CSMD1: variants seen among roughly 807,000 people sequenced by gnomAD.
CSMD1 encodes CUB and sushi domain-containing protein 1.
Under a neutral mutation model 417.5 loss-of-function variants are expected in CSMD1, and 213 were observed. That is an observed-to-expected ratio of 0.51 (90% CI 0.46 to 0.57). The LOEUF (loss-of-function observed/expected upper bound fraction) is 0.57. Ranked by LOEUF, CSMD1 falls within the 20% of genes least tolerant of loss-of-function variation. The pLI is 0.00. For missense variants in CSMD1, 6,923 were observed against 4,529.7 expected (o/e 1.53, Z -15.17); for synonymous variants, 2,862 against 1,736.8 (o/e 1.65, Z -16.11).
intron 10 of CSMD1, among the ~76,000 whole-genome samples, chr8:3,544,643 T>C (rs1218419338): frequency 6.6e-6 from 1 of 152,108 alleles, no homozygotes; most frequent in Non-Finnish European, 1.5e-5. Context: ...CCGTCCAATC[T>C]GACAGCTTGG....
chr8:4,361,159 T>C (rs1380698728), intron 3 of CSMD1, among the ~76,000 whole-genome samples: 1 of 152,166 alleles, frequency 6.6e-6, no homozygotes, highest in African/African-American at 2.4e-5. Flanking sequence ...ATTTGTAGAA[T>C]GGGCTAAATT....
At chr8:3,659,894 A>G (rs1188086966) in intron 7 of CSMD1, among the ~76,000 whole-genome samples, 1 of 152,202 alleles carries the variant, frequency 6.6e-6, no homozygotes, top group African/African-American at 2.4e-5. Context: ...CTAAACTATG[A>G]AGATGAAATT....
In CSMD1 at chr8:3,237,649, T is replaced by C. The variant is rs1377505576; in HGVS notation, c.4154-7418A>G. ...ATTTTTTATACTTATACTATAATTTTTTAAATTATACTATAAATATAATTT... is the reference window on the plus strand; with the variant it reads ...ATTTTTTATACTTATACTATAATTTCTTAAATTATACTATAAATATAATTT... On this transcript the variant is annotated intron_variant, in intron 26 of 69. Coordinates refer to ENST00000635120, the MANE Select transcript of CSMD1 (RefSeq NM_033225.6). Among the ~76,000 whole-genome samples, 5 of 143,864 alleles carry C rather than the reference T, an allele frequency of 3.5e-5. 2 individuals carry two copies. The highest frequency in any genetic ancestry group is 1.4e-4 in the Admixed American group (2 of 14,348). The allele number at this position is 143,864 out of a possible 152,430, so 94.4% of individuals were successfully genotyped here.
chr8:3,064,256 A>C (rs1429828453), intron 49 of CSMD1, among the ~76,000 whole-genome samples: 2 of 152,166 alleles, frequency 1.3e-5, no homozygotes, highest in African/African-American at 4.8e-5. Context: ...CCCAAATCTC[A>C]TGTTGAATTG....
At chr8:3,755,269 T>C (rs966888267) in intron 5 of CSMD1, among the ~76,000 whole-genome samples, 1 of 152,206 alleles carries the variant, frequency 6.6e-6, no homozygotes, top group East Asian at 1.9e-4. Context: ...AGGTGGATCA[T>C]GTTTATGAAC....
At chr8:3,262,769 T>C (rs868370022) in intron 26 of CSMD1, among the ~76,000 whole-genome samples, 16 of 152,284 alleles carry the variant, frequency 1.1e-4, no homozygotes, top group Middle Eastern at 6.8e-3. Context: ...GTTTAACAAG[T>C]ACTTAATAGT....
intron 1 of CSMD1, among the ~76,000 whole-genome samples, chr8:4,699,278 T>C (rs1163479613): frequency 6.6e-6 from 1 of 152,214 alleles, no homozygotes; most frequent in Non-Finnish European, 1.5e-5. Flanking sequence ...CCTCCTTCTA[T>C]ACCAACAGTA....
At chr8:3,435,588 C>G (rs1017075074) in intron 12 of CSMD1, among the ~76,000 whole-genome samples, 1 of 152,126 alleles carries the variant, frequency 6.6e-6, no homozygotes, top group Non-Finnish European at 1.5e-5. Flanking sequence ...TGTCTGTCTT[C>G]TAACCACACC....
chr8:3,394,015 TATATATATATATATA>T (rs1811520965), intron 17 of CSMD1, among the ~76,000 whole-genome samples: 1 of 43,964 alleles, frequency 2.3e-5, no homozygotes, highest in African/African-American at 7.3e-5. Flanking sequence ...AAATAAATTA[TATATATATATATATA>T]TATATATATA....
intron 7 of CSMD1, among the ~76,000 whole-genome samples, chr8:3,657,547 G>A (rs1000299989): frequency 6.6e-6 from 1 of 152,102 alleles, no homozygotes; most frequent in African/African-American, 2.4e-5. Flanking sequence ...CCTTTGCAGG[G>A]ACATGGATGA....
In CSMD1 at chr8:4,062,212, C is replaced by T. The variant is rs537478112; in HGVS notation, c.416-30113G>A. Among the ~76,000 whole-genome samples the T allele has an allele frequency of 1.1e-4, 17 of 152,150 alleles. No individual in the cohort carries two copies. The South Asian group carries it at 1.2e-3, about 11-fold the overall frequency. On this transcript the variant is annotated intron_variant, in intron 3 of 69. Transcript: ENST00000635120. ...GAGTGAGGAAAGGCATTCCAAGCTA[C>T]GGGCCAGGTTCACACAAGTCTAATT...
chr8:4,141,605 A>G (rs771754218), intron 3 of CSMD1, among the ~76,000 whole-genome samples: 2 of 150,980 alleles, frequency 1.3e-5, no homozygotes, highest in African/African-American at 2.5e-5. Flanking sequence ...ATGGAGTTGT[A>G]ACGATTCCTC....
chr8:3,372,627 A>C (rs1424067049), intron 18 of CSMD1, among the ~76,000 whole-genome samples: 1 of 152,162 alleles, frequency 6.6e-6, no homozygotes. Flanking sequence ...TTGTGAGTTC[A>C]TAACCTGAGT....
chr8:4,251,501 A>T lies in CSMD1; in HGVS notation c.415+168452T>A, dbSNP rs190686136. Among the ~76,000 whole-genome samples, 53 of 152,330 alleles carry T rather than the reference A, an allele frequency of 3.5e-4. 1 individual carries two copies. The highest frequency in any genetic ancestry group is 3.4e-3 in the Middle Eastern group (1 of 294). On this transcript the variant is annotated intron_variant, in intron 3 of 69. Transcript: ENST00000635120. ...GAGCACATATTAGAAGACAAAGGAC[A>T]AGATAGTTATATCAAAATAAATAGC... is the stretch of plus-strand genomic sequence containing the variant.
intron 5 of CSMD1, among the ~76,000 whole-genome samples, chr8:3,922,274 A>C (rs560143929): frequency 1.3e-5 from 2 of 152,158 alleles, no homozygotes; most frequent in South Asian, 2.1e-4. Context: ...GCTCTTAAAA[A>C]CATAGTGAGT....
chr8:3,448,655 G>A (rs762972081), intron 12 of CSMD1, among the ~76,000 whole-genome samples: 9 of 152,070 alleles, frequency 5.9e-5, no homozygotes, highest in Non-Finnish European at 2.9e-5. Context: ...GGCAGCATGA[G>A]TGGAGGCCAA....
intron 26 of CSMD1, among the ~76,000 whole-genome samples, chr8:3,238,292 T>A (rs1156682393): frequency 6.6e-6 from 1 of 151,992 alleles, no homozygotes; most frequent in Non-Finnish European, 1.5e-5. Flanking sequence ...AACAGGCCAT[T>A]TTCACTTCTT....
Position 3,318,676 on chromosome 8 carries a change from G to T in CSMD1, c.3632-10173C>A, listed in dbSNP as rs145957925. On this transcript the variant is annotated intron_variant, in intron 23 of 69. Coordinates refer to ENST00000635120, the MANE Select transcript of CSMD1 (RefSeq NM_033225.6). ...ATTGGAGGTATTATAGCAGGTGCAT[G>T]ACGAGAGTAAGAAAGCATTTGCTTT... Among the ~76,000 whole-genome samples, 256 of 152,294 alleles carry T rather than the reference G, an allele frequency of 1.7e-3. 2 individuals carry two copies. The highest frequency in any genetic ancestry group is 5.7e-3 in the African/African-American group (239 of 41,578).
chr8:4,792,382 C>G (rs747347450), intron 1 of CSMD1, among the ~76,000 whole-genome samples: 22 of 152,166 alleles, frequency 1.4e-4, no homozygotes, highest in Non-Finnish European at 2.2e-4. Flanking sequence ...GTTTCAATTC[C>G]AGAGACATTT....
Sources: allele counts gnomAD v4.1 joint callset (sites outside exome capture counted in the v4.1 genomes callset), GRCh38; gene constraint gnomAD v4.1.1; transcripts MANE v1.5; gene names NCBI Gene and HGNC (gene_info 2026-07-23, HGNC 2026-07-21).